PCDH11X: variants seen among roughly 807,000 people sequenced by gnomAD.
The protein encoded by PCDH11X is protocadherin 11 X-linked.
PCDH11X carries 18 observed loss-of-function variants against 53.3 expected under a neutral mutation model. The observed-to-expected ratio is 0.34, with a 90% confidence interval of 0.23 to 0.50. The LOEUF is 0.50. Ranked by LOEUF, PCDH11X falls within the 20% of genes least tolerant of loss-of-function variation. The pLI is 0.98. For synonymous variants in PCDH11X, 279 were observed against 393.3 expected (o/e 0.71, Z 3.44); for missense variants, 570 against 1,032.4 (o/e 0.55, Z 6.14).
At chrX:92,049,630 G>A (rs2063338530) in intron 6 of PCDH11X, among the ~76,000 whole-genome samples, 1 of 110,910 alleles carries the variant, frequency 9.0e-6, no homozygotes, top group Non-Finnish European at 1.9e-5. Flanking sequence ...TAGATAAACA[G>A]GTATTTTAAT....
At chrX:91,898,784 T>C (rs1425633447) in intron 6 of PCDH11X, among the ~76,000 whole-genome samples, 2 of 109,383 alleles carry the variant, frequency 1.8e-5, no homozygotes, top group Non-Finnish European at 3.8e-5. Context: ...CTATTAAAAT[T>C]AAGAAAAAGT....
At chrX:92,500,662 T>G (rs1336557701) in intron 10 of PCDH11X, among the ~76,000 whole-genome samples, 2 of 107,231 alleles carry the variant, frequency 1.9e-5, no homozygotes, top group Admixed American at 1.0e-4. Flanking sequence ...ATCAATAAGT[T>G]TTTTTAAAGT....
At chrX:91,872,818 G>A (rs1480507695) in intron 5 of PCDH11X, among the ~76,000 whole-genome samples, 1 of 108,716 alleles carries the variant, frequency 9.2e-6, no homozygotes, top group Non-Finnish European at 1.9e-5. Context: ...TATGGCAAAA[G>A]GCTTCAGTTT....
At chrX:91,948,401 G>A (rs918140845) in intron 6 of PCDH11X, among the ~76,000 whole-genome samples, 10 of 108,778 alleles carry the variant, frequency 9.2e-5, no homozygotes, top group African/African-American at 1.7e-4. Flanking sequence ...TTATCTCGGC[G>A]TGCTAGGGGT....
chrX:92,535,061 T>C (rs2074631815), intron 10 of PCDH11X, among the ~76,000 whole-genome samples: 2 of 112,115 alleles, frequency 1.8e-5, no homozygotes, highest in Non-Finnish European at 3.8e-5. Flanking sequence ...GCAACACTAA[T>C]ACACTGTTGG....
chrX:92,074,524 A>G (rs2063747135), intron 6 of PCDH11X, among the ~76,000 whole-genome samples: 1 of 112,051 alleles, frequency 8.9e-6, no homozygotes, highest in East Asian at 2.8e-4. Flanking sequence ...TTAATAATAC[A>G]ATTTTTTTCT....
intron 1 of PCDH11X, among the ~76,000 whole-genome samples, chrX:91,794,428 T>A (rs764082604): frequency 9.0e-6 from 1 of 111,565 alleles, no homozygotes; most frequent in African/African-American, 3.3e-5. Context: ...CTAGGAATTA[T>A]GTAGTGATTT....
chrX:91,866,624 T>C (rs1449812050), intron 5 of PCDH11X, among the ~76,000 whole-genome samples: 1 of 110,868 alleles, frequency 9.0e-6, no homozygotes, highest in African/African-American at 3.3e-5. Flanking sequence ...GAGAAGTGGC[T>C]TCGGTGATTC....
intron 6 of PCDH11X, among the ~76,000 whole-genome samples, chrX:92,050,679 G>A (rs1390277144): frequency 9.2e-6 from 1 of 108,988 alleles, no homozygotes; most frequent in African/African-American, 3.3e-5. Context: ...CTCTTTAAGT[G>A]TAACATATAC....
At chrX:92,359,494 T>C (rs977923452) in intron 8 of PCDH11X, among the ~76,000 whole-genome samples, 1 of 109,789 alleles carries the variant, frequency 9.1e-6, no homozygotes, top group Non-Finnish European at 1.9e-5. Flanking sequence ...ATTTAAACTT[T>C]AGTTTAAAGC....
At chrX:92,262,815 A>G (rs1245634288) in intron 7 of PCDH11X, among the ~76,000 whole-genome samples, 1 of 111,366 alleles carries the variant, frequency 9.0e-6, no homozygotes, top group African/African-American at 3.3e-5. Context: ...TTCTTGGTTA[A>G]TGCGTAAGTG....
intron 5 of PCDH11X, among the ~76,000 whole-genome samples, chrX:91,867,756 C>T (rs1380576221): frequency 1.8e-5 from 2 of 111,205 alleles, no homozygotes; most frequent in Non-Finnish European, 3.8e-5. Context: ...ATACATATCA[C>T]GACTATCCCA....
At chrX:91,817,918 AC>A (rs1196107316) in intron 4 of PCDH11X, among the ~76,000 whole-genome samples, 1 of 111,621 alleles carries the variant, frequency 9.0e-6, no homozygotes, top group African/African-American at 3.3e-5. Flanking sequence ...GAATTAATGT[AC>A]CCTGTGATCG....
chrX:91,998,141 C>T (rs1466762738), intron 6 of PCDH11X, among the ~76,000 whole-genome samples: 4 of 110,301 alleles, frequency 3.6e-5, no homozygotes, highest in African/African-American at 1.3e-4. Flanking sequence ...ACCATGTTGG[C>T]CAGGCTGGGC....
intron 10 of PCDH11X, among the ~76,000 whole-genome samples, chrX:92,491,825 G>A (rs867024725): frequency 2.2e-4 from 25 of 111,264 alleles, no homozygotes; most frequent in African/African-American, 8.1e-4. Context: ...TTGAGATCAT[G>A]CAGTATTTTT....
intron 7 of PCDH11X, among the ~76,000 whole-genome samples, chrX:92,254,432 C>T (rs1038396807): frequency 2.7e-5 from 3 of 109,778 alleles, no homozygotes; most frequent in African/African-American, 1.0e-4. Flanking sequence ...AGCATTTAGT[C>T]CATTTACATT....
At chrX:92,021,658 G>A (rs2062886613) in intron 6 of PCDH11X, among the ~76,000 whole-genome samples, 2 of 100,839 alleles carry the variant, frequency 2.0e-5, no homozygotes, top group Admixed American at 1.1e-4. Context: ...TCAAATTCAG[G>A]AAATACAGAG....
At chrX:92,447,676 G>A (rs960609160) in intron 9 of PCDH11X, among the ~76,000 whole-genome samples, 9 of 112,708 alleles carry the variant, frequency 8.0e-5, no homozygotes, top group African/African-American at 1.9e-4. Flanking sequence ...ATGTGAGGTC[G>A]GAGCCTGCAC....
intron 6 of PCDH11X, among the ~76,000 whole-genome samples, chrX:91,953,694 G>T (rs916143108): frequency 4.5e-5 from 5 of 109,891 alleles, no homozygotes; most frequent in Non-Finnish European, 7.6e-5. Flanking sequence ...CATGTATGCA[G>T]ATCTTTATTA....
Sources: allele counts gnomAD v4.1 joint callset (sites outside exome capture counted in the v4.1 genomes callset), GRCh38; gene constraint gnomAD v4.1.1; transcripts MANE v1.5; gene names NCBI Gene and HGNC (gene_info 2026-07-23, HGNC 2026-07-21).